Variants in LOC128462377 observed in about 807,000 individuals in gnomAD.
the LOC128462377 span, among the ~76,000 whole-genome samples, chr16:89,406,271 A>T: frequency 1.2e-4 from 19 of 152,318 alleles, no homozygotes; most frequent in East Asian, 3.5e-3. Flanking sequence ...GCTGGTCTCC[A>T]GGACAGACAT....
chr16:89,406,215 T>C, the LOC128462377 span, among the ~76,000 whole-genome samples: 1 of 152,054 alleles, frequency 6.6e-6, no homozygotes, highest in Admixed American at 6.5e-5. Context: ...AGCAAGGGGT[T>C]TGGTGCTGTG....
At chr16:89,335,482 G>A in the LOC128462377 span, among the ~76,000 whole-genome samples, 2 of 152,212 alleles carry the variant, frequency 1.3e-5, no homozygotes, top group Admixed American at 6.5e-5. Flanking sequence ...TACGCAGTGG[G>A]TTAGGGCAGG....
chr16:89,415,846 A>AAAAAAAAAAAAAT, the LOC128462377 span, among the ~76,000 whole-genome samples: 1 of 146,488 alleles, frequency 6.8e-6, no homozygotes, highest in African/African-American at 2.5e-5. Flanking sequence ...AAAAAAAAAA[A>AAAAAAAAAAAAAT]AAAACAATGG....
At chr16:89,378,890 A>G in the LOC128462377 span, among the ~76,000 whole-genome samples, 3 of 145,896 alleles carry the variant, frequency 2.1e-5, no homozygotes, top group Non-Finnish European at 3.0e-5. Flanking sequence ...GGGCTTTCCA[A>G]GGCTGAAAAC....
the LOC128462377 span, among the ~76,000 whole-genome samples, chr16:89,381,928 C>T: frequency 6.6e-6 from 1 of 152,236 alleles, no homozygotes; most frequent in Non-Finnish European, 1.5e-5. Context: ...AGGCTGTGAC[C>T]TCTCCACGGG....
At chr16:89,410,235 C>CT in the LOC128462377 span, among the ~76,000 whole-genome samples, 1 of 152,164 alleles carries the variant, frequency 6.6e-6, no homozygotes, top group African/African-American at 2.4e-5. Context: ...GGGTACGGCC[C>CT]TTTGAGTGTC....
At chr16:89,402,434 CAT>C in the LOC128462377 span, among the ~76,000 whole-genome samples, 1 of 152,066 alleles carries the variant, frequency 6.6e-6, no homozygotes, top group African/African-American at 2.4e-5. Flanking sequence ...GTACCTAACA[CAT>C]GAGGAAGCCG....
At chr16:89,323,293 A>AGTGACACACCCT in the LOC128462377 span, 1 of 1,288,900 alleles carries the variant, frequency 7.8e-7, no homozygotes, top group South Asian at 1.2e-5. Context: ...AAAGCCCTTG[A>AGTGACACACCCT]GTGACACACC....
the LOC128462377 span, among the ~76,000 whole-genome samples, chr16:89,330,781 T>C: frequency 3.3e-5 from 5 of 150,786 alleles, no homozygotes; most frequent in South Asian, 2.1e-4. Context: ...GCCCACACTC[T>C]GCAGAGAACG....
At chr16:89,399,049 C>A in the LOC128462377 span, among the ~76,000 whole-genome samples, 3 of 152,166 alleles carry the variant, frequency 2.0e-5, no homozygotes, top group Non-Finnish European at 2.9e-5. Context: ...CCAAGCAAGG[C>A]ATTTTCAGTG....
chr16:89,385,028 G>C, the LOC128462377 span, among the ~76,000 whole-genome samples: 5 of 151,392 alleles, frequency 3.3e-5, no homozygotes, highest in African/African-American at 1.2e-4. Flanking sequence ...TGGAACTACA[G>C]GCACACACCA....
chr16:89,413,400 C>T, the LOC128462377 span, among the ~76,000 whole-genome samples: 1 of 152,068 alleles, frequency 6.6e-6, no homozygotes, highest in African/African-American at 2.4e-5. Context: ...CTGAGGTGGG[C>T]AGATCACGAG....
chr16:89,350,140 G>A, the LOC128462377 span, among the ~76,000 whole-genome samples: 1 of 152,128 alleles, frequency 6.6e-6, no homozygotes, highest in Non-Finnish European at 1.5e-5. Flanking sequence ...AATTAAAACC[G>A]CAATTCACTA....
chr16:89,342,831 C>G, the LOC128462377 span, among the ~76,000 whole-genome samples: 1 of 152,250 alleles, frequency 6.6e-6, no homozygotes, highest in East Asian at 1.9e-4. Context: ...CTTTTGTTCC[C>G]TCAGAGTGCC....
the LOC128462377 span, chr16:89,320,277 G>A: frequency 1.3e-5 from 2 of 152,234 alleles, no homozygotes; most frequent in African/African-American, 4.8e-5. Context: ...TCTCACTCCC[G>A]GGGGAGACTC....
chr16:89,378,098 C>G, the LOC128462377 span, among the ~76,000 whole-genome samples: 1 of 152,036 alleles, frequency 6.6e-6, no homozygotes, highest in African/African-American at 2.4e-5. Flanking sequence ...ACTTATAATC[C>G]CAGTGCACTG....
the LOC128462377 span, among the ~76,000 whole-genome samples, chr16:89,366,946 C>T: frequency 2.0e-5 from 3 of 152,244 alleles, no homozygotes; most frequent in Non-Finnish European, 4.4e-5. Context: ...TCTGGTTGTA[C>T]AAAGACAGAC....
the LOC128462377 span, chr16:89,373,584 G>A: frequency 1.3e-5 from 2 of 152,308 alleles, no homozygotes; most frequent in African/African-American, 4.8e-5. Context: ...CGATTCGAGA[G>A]AAAACATCGG....
the LOC128462377 span, among the ~76,000 whole-genome samples, chr16:89,384,207 G>A: frequency 9.2e-5 from 14 of 152,262 alleles, no homozygotes; most frequent in Non-Finnish European, 1.5e-4. Flanking sequence ...GTGACAGAGC[G>A]AGACTCCATC....
Sources: gnomAD v4.1 joint callset for allele counts (sites outside exome capture counted in the v4.1 genomes callset) on GRCh38, gnomAD v4.1.1 for gene constraint, MANE v1.5 for transcripts.